CSMD3: variants seen among roughly 807,000 people sequenced by gnomAD.
CSMD3 encodes the protein CUB and sushi domain-containing protein 3.
In CSMD3, 177 loss-of-function variants were observed where a neutral mutation model predicts 435.2. The ratio of observed to expected loss-of-function variants is 0.41; its 90% CI spans 0.36 to 0.46. The LOEUF (loss-of-function observed/expected upper bound fraction) is 0.46. CSMD3 is among the 20% of genes least tolerant of loss of function. The probability of loss-of-function intolerance (pLI) is 0.34; values close to 1 mark genes in which losing one functional copy is unlikely to be tolerated. For missense variants in CSMD3, 4,265 were observed against 4,504.6 expected (o/e 0.95, Z 1.52); for synonymous variants, 1,656 against 1,520.5 (o/e 1.09, Z -2.07).
intron 12 of CSMD3, among the ~76,000 whole-genome samples, chr8:112,801,336 C>A (rs2078957781): frequency 6.6e-6 from 1 of 151,930 alleles, no homozygotes; most frequent in Non-Finnish European, 1.5e-5. Flanking sequence ...CAGCAAAATG[C>A]CCTGTGCGTA....
At chr8:112,272,129 G>A (rs146463296) in intron 59 of CSMD3, among the ~76,000 whole-genome samples, 2 of 152,276 alleles carry the variant, frequency 1.3e-5, no homozygotes, top group African/African-American at 4.8e-5. Context: ...GGATCTGCTA[G>A]CACCTTGATC....
chr8:113,220,425 T>C (rs1315164116), intron 3 of CSMD3, among the ~76,000 whole-genome samples: 2 of 151,386 alleles, frequency 1.3e-5, no homozygotes, highest in East Asian at 1.9e-4. Context: ...GGGAACCCAC[T>C]GGGCTAAATC....
At chr8:112,618,905 G>C (rs1213397903) in intron 22 of CSMD3, among the ~76,000 whole-genome samples, 1 of 151,786 alleles carries the variant, frequency 6.6e-6, no homozygotes, top group Non-Finnish European at 1.5e-5. Flanking sequence ...TCTTTATTTT[G>C]GTCCAGATCA....
intron 3 of CSMD3, among the ~76,000 whole-genome samples, chr8:113,203,722 A>C (rs1208257276): frequency 3.3e-5 from 5 of 152,020 alleles, no homozygotes; most frequent in African/African-American, 1.2e-4. Context: ...ACATTTTTTG[A>C]CTTTTTTATT....
chr8:113,010,111 A>G (rs940037346), intron 6 of CSMD3, among the ~76,000 whole-genome samples: 2 of 151,714 alleles, frequency 1.3e-5, no homozygotes, highest in Non-Finnish European at 3.0e-5. Context: ...ACTTATATTA[A>G]GACTCAGAAA....
At chr8:112,349,274 T>C (rs1825934113) in intron 40 of CSMD3, among the ~76,000 whole-genome samples, 1 of 152,146 alleles carries the variant, frequency 6.6e-6, no homozygotes, top group Non-Finnish European at 1.5e-5. Flanking sequence ...AAATTTTGTT[T>C]GTTTCAGTTG....
At chr8:112,482,519 T>C (rs913975236) in intron 31 of CSMD3, among the ~76,000 whole-genome samples, 6 of 152,186 alleles carry the variant, frequency 3.9e-5, no homozygotes, top group African/African-American at 1.4e-4. Flanking sequence ...TCAGTACCCA[T>C]TAGTAGTCGC....
At chr8:112,503,386 A>G (rs1185521222) in intron 30 of CSMD3, among the ~76,000 whole-genome samples, 1 of 152,250 alleles carries the variant, frequency 6.6e-6, no homozygotes, top group African/African-American at 2.4e-5. Context: ...CCCAGCTTAC[A>G]TATTTTCTGA....
chr8:112,981,319 A>G (rs1307927766), intron 6 of CSMD3, among the ~76,000 whole-genome samples: 1 of 151,542 alleles, frequency 6.6e-6, no homozygotes, highest in Non-Finnish European at 1.5e-5. Context: ...GTAAGAAAAA[A>G]TTCAGTAATT....
intron 4 of CSMD3, among the ~76,000 whole-genome samples, chr8:113,116,349 T>C (rs2090829320): frequency 6.6e-6 from 1 of 152,182 alleles, no homozygotes. Flanking sequence ...CTTCGCTCGA[T>C]TCTCATTCTT....
chr8:112,827,045 T>C (rs2079703442), intron 12 of CSMD3, among the ~76,000 whole-genome samples: 1 of 150,874 alleles, frequency 6.6e-6, no homozygotes, highest in Non-Finnish European at 1.5e-5. Context: ...ACATTAGGGA[T>C]TGTACAGACC....
chr8:112,239,171 T>C (rs1813872056), intron 66 of CSMD3, among the ~76,000 whole-genome samples: 1 of 152,066 alleles, frequency 6.6e-6, no homozygotes, highest in South Asian at 2.1e-4. Flanking sequence ...GTCACTTCCC[T>C]TTCTTTGTGT....
At chr8:113,223,281 T>C (rs2092990805) in intron 3 of CSMD3, among the ~76,000 whole-genome samples, 1 of 150,736 alleles carries the variant, frequency 6.6e-6, no homozygotes, top group Admixed American at 6.6e-5. Context: ...TTACTATAAA[T>C]TAATTTTAAT....
intron 9 of CSMD3, among the ~76,000 whole-genome samples, chr8:112,928,570 G>C (rs1318603866): frequency 6.6e-6 from 1 of 151,510 alleles, no homozygotes; most frequent in African/African-American, 2.4e-5. Flanking sequence ...AGTTTACTGA[G>C]AATGATGATT....
chr8:112,457,193 G>T (rs1004338518), intron 32 of CSMD3, among the ~76,000 whole-genome samples: 7 of 151,998 alleles, frequency 4.6e-5, no homozygotes, highest in African/African-American at 1.4e-4. Flanking sequence ...GGGGAGGTGT[G>T]GGCATTAATA....
At chr8:112,270,125 G>A (rs188559910) in intron 59 of CSMD3, among the ~76,000 whole-genome samples, 10 of 152,190 alleles carry the variant, frequency 6.6e-5, no homozygotes, top group East Asian at 5.8e-4. Context: ...GTCTGAAGCC[G>A]GTTGAATAAC....
chr8:112,757,676 G>A (rs1254561527), intron 13 of CSMD3, among the ~76,000 whole-genome samples: 1 of 152,110 alleles, frequency 6.6e-6, no homozygotes, highest in African/African-American at 2.4e-5. Context: ...TTATGCACAG[G>A]AGAGGTGATC....
At chr8:113,021,555 C>A (rs973961801) in intron 5 of CSMD3, among the ~76,000 whole-genome samples, 8 of 152,064 alleles carry the variant, frequency 5.3e-5, no homozygotes, top group South Asian at 4.2e-4. Context: ...TTGGAGATGA[C>A]CCCCTAAAAG....
intron 1 of CSMD3, among the ~76,000 whole-genome samples, chr8:113,368,482 T>G (rs751174678): frequency 6.6e-6 from 1 of 152,152 alleles, no homozygotes; most frequent in South Asian, 2.1e-4. Flanking sequence ...GAGAACTTTC[T>G]TTTGCAGTAA....
Sources: allele counts gnomAD v4.1 joint callset (sites outside exome capture counted in the v4.1 genomes callset), GRCh38; gene constraint gnomAD v4.1.1; transcripts MANE v1.5; gene names NCBI Gene and HGNC (gene_info 2026-07-23, HGNC 2026-07-21).